Variants in OR52M1 observed in about 807,000 individuals in gnomAD.
The protein encoded by OR52M1 is olfactory receptor 52M1.
OR52M1 carries 2 observed loss-of-function variants against 1.3 expected under a neutral mutation model. The observed-to-expected ratio is 1.59, with a 90% confidence interval of 0.65 to 5.01. The LOEUF is 5.01. Among genes scored for constraint, OR52M1 ranks in the 30% most tolerant of loss-of-function variants. OR52M1 has a pLI of 0.06. For synonymous variants in OR52M1, 234 were observed against 151.4 expected, an observed-to-expected ratio of 1.55 and a Z score of -4.01; for missense variants, 585 against 403.7, an observed-to-expected ratio of 1.45 and a Z score of -3.85.
chr11:4,545,282 TC>T lies in OR52M1; in HGVS notation c.96del (p.Phe33LeufsTer13). ...GAGTCCCTACACGTCTGGCTCTCCATCCCCTTTGGCTCCATGTACCTGGTGG... is the reference window on the plus strand; with the variant it reads ...GAGTCCCTACACGTCTGGCTCTCCATCCCTTTGGCTCCATGTACCTGGTGG... ...GLESLHVWLS[I>X]PFGSMYLVAV... On this transcript the variant is annotated frameshift_variant, in exon 1 of 1. Coordinates refer to ENST00000360213, the MANE Select transcript of OR52M1 (RefSeq NM_001004137.1). LOFTEE classifies it high-confidence loss of function. 3.1e-6 allele frequency: 5 copies of T among 1,614,098 alleles called. No individual in the cohort carries two copies. The highest frequency in any genetic ancestry group is 4.2e-6 in the Non-Finnish European group (5 of 1,179,974).
Position 4,545,901 on chromosome 11 carries a change from G to T in OR52M1, c.711G>T (p.Arg237Ser). The T allele has an allele frequency of 6.2e-7, 1 of 1,614,056 alleles. No individual in the cohort carries two copies. The highest frequency in any genetic ancestry group is 8.5e-7 in the Non-Finnish European group (1 of 1,179,988). ...TGGGGTTAGCCACTCCTGAGGCTAG[G>T]CTTAAAACCCTGGGGACATGCGCTT... Reference protein sequence around the residue: ...AVMGLATPEARLKTLGTCASH... With the variant: ...AVMGLATPEASLKTLGTCASH... Residue 237 changes from arginine (R) to serine (S), a missense_variant, in exon 1 of 1, where the codon AGG becomes AGT. By Grantham distance (110) the Arg-to-Ser change is moderately radical. Transcript: ENST00000360213.
Position 4,545,485 on chromosome 11 carries a change from T to C in OR52M1, c.295T>C (p.Cys99Arg), listed in dbSNP as rs139723523. 1.2e-6 allele frequency: 2 copies of C among 1,614,178 alleles called. No individual in the cohort carries two copies. The highest frequency in any genetic ancestry group is 4.5e-5 in the East Asian group (2 of 44,886). The change falls in exon 1 of 1, where the codon TGC (cysteine) becomes CGC (arginine). Residue 99 changes from cysteine to arginine, a missense_variant. By Grantham distance (180) the Cys-to-Arg change is radical. Transcript: ENST00000360213. ...TGCTTGTGACATTGGCCTGGACGCC[T>C]GCTTGGGCCAAATGTTCCTTATCCA... The part of the protein sequence containing the change: ...FGACDIGLDA[C>R]LGQMFLIHCF...
In OR52M1 at chr11:4,546,109, C is replaced by A. The variant is rs1052754001; in HGVS notation, c.919C>A (p.Leu307Ile). ...CACCAAGCAGATCCGAGAGAGCCTT[C>A]TCCAAATACCAAGGATAGAAATGAA... ...VRTKQIRESL[L>I]QIPRIEMKIR Residue 307 changes from leucine (L) to isoleucine (I), a missense_variant, in exon 1 of 1, where the codon CTC becomes ATC. By Grantham distance (5) the Leu-to-Ile change is conservative. Coordinates refer to ENST00000360213, the MANE Select transcript of OR52M1 (RefSeq NM_001004137.1). 2 of 1,607,022 alleles carry A rather than the reference C, an allele frequency of 1.2e-6. No individual in the cohort carries two copies. Among genetic ancestry groups the A allele is most frequent in the Non-Finnish European group, 1.7e-6 (2 of 1,175,884 alleles).
rs61751908 is a variant in OR52M1, at chr11:4,545,560, C to T, written c.370C>T (p.Arg124Cys). ...CATCTTCCTTGCCATGGCTTTTGAT[C>T]GCTACGTGGCCATCTGCAACCCACT... ...SGIFLAMAFD[R>C]YVAICNPLRH... The change falls in exon 1 of 1, where the codon CGC becomes TGC. Residue 124 changes from arginine to cysteine, a missense_variant. By Grantham distance (180) the Arg-to-Cys change is radical (BLOSUM62 -3). Coordinates refer to ENST00000360213, the MANE Select transcript of OR52M1 (RefSeq NM_001004137.1). The T allele has an allele frequency of 3.8e-5, 61 of 1,611,428 alleles. No individual in the cohort carries two copies. The highest frequency in any genetic ancestry group is 3.6e-4 in the African/African-American group (27 of 74,982).
At position 4,546,087 on chromosome 11, in the gene OR52M1, C is replaced by CA; in HGVS notation, c.899dup (p.Gln301AlafsTer17). The CA allele has an allele frequency of 3.1e-6, 5 of 1,612,976 alleles. No homozygotes were observed. The South Asian group carries it at 4.4e-5, about 14-fold the overall frequency. On this transcript the variant is annotated frameshift_variant, in exon 1 of 1. Coordinates refer to ENST00000360213, the MANE Select transcript of OR52M1 (RefSeq NM_001004137.1). LOFTEE classifies it high-confidence loss of function. The stretch of plus-strand genomic sequence containing the variant: ...ATCCCATTGTCTATGCTGTTCGCAC[C>CA]AAGCAGATCCGAGAGAGCCTTCTCC...
At position 4,545,995 on chromosome 11, in the gene OR52M1, C is replaced by CAGT; in HGVS notation, c.806_808dup (p.Gln269_Cys270insTer). The CAGT allele has an allele frequency of 6.2e-7, 1 of 1,614,070 alleles. No individual in the cohort carries two copies. The highest frequency in any genetic ancestry group is 8.5e-7 in the Non-Finnish European group (1 of 1,180,014). On this transcript the variant is annotated stop_gained and inframe_insertion, in exon 1 of 1. Transcript: ENST00000360213. LOFTEE classifies it high-confidence loss of function. ...TTCTTCCCTGATTCACCGATTTGGT[C>CAGT]AGTGTGTGCCTCCTCCAGTCCACAC...
At position 4,545,790 on chromosome 11, in the gene OR52M1, C is replaced by G; in HGVS notation, c.600C>G (p.Val200=). 6.2e-7 allele frequency: 1 copy of G among 1,614,178 alleles called. No individual in the cohort carries two copies. Among genetic ancestry groups the G allele is most frequent in the Non-Finnish European group, 8.5e-7 (1 of 1,180,028 alleles). ...GTGGCGACAGCAGGGTCAATAATGT[C>G]TATGGGCTGAGCATCGGCTTTCTGG... is the stretch of plus-strand genomic sequence containing the variant. ...LTCGDSRVNN[V]YGLSIGFLVL... is the part of the protein sequence containing the mutation. Residue 200 remains valine, a synonymous_variant, in exon 1 of 1, where the codon GTC becomes GTG. Coordinates refer to ENST00000360213, the MANE Select transcript of OR52M1 (RefSeq NM_001004137.1).
At position 4,545,256 on chromosome 11, in the gene OR52M1, G is replaced by A. The variant is rs1462348812; in HGVS notation, c.66G>A (p.Leu22=). The A allele has an allele frequency of 6.2e-7, 1 of 1,613,658 alleles. No homozygotes were observed. Among genetic ancestry groups the A allele is most frequent in the African/African-American group, 1.3e-5 (1 of 74,940 alleles). The change falls in exon 1 of 1, where the codon CTG becomes CTA. Residue 22 remains leucine, a synonymous_variant. Coordinates refer to ENST00000360213, the MANE Select transcript of OR52M1 (RefSeq NM_001004137.1). ...SSFWLTGIPG[L]ESLHVWLSIP... ...TCTGGCTCACTGGCATCCCAGGGCT[G>A]GAGTCCCTACACGTCTGGCTCTCCA...
chr11:4,545,694 G>A lies in OR52M1; in HGVS notation c.504G>A (p.Arg168=). The A allele has an allele frequency of 6.2e-7, 1 of 1,613,124 alleles. No individual in the cohort carries two copies. Among genetic ancestry groups the A allele is most frequent in the South Asian group, 1.1e-5 (1 of 90,884 alleles). ...IGPLPLMIRL[R]LPLYKTHVIS... Reference sequence around the variant, plus strand: ...CTCTGCCTCTGATGATCCGCCTGCGGCTGCCCCTTTATAAAACCCATGTTA... The same window carrying A: ...CTCTGCCTCTGATGATCCGCCTGCGACTGCCCCTTTATAAAACCCATGTTA... Residue 168 remains arginine, a synonymous_variant, in exon 1 of 1, where the codon CGG becomes CGA. Coordinates refer to ENST00000360213, the MANE Select transcript of OR52M1 (RefSeq NM_001004137.1).
At position 4,545,631 on chromosome 11, in the gene OR52M1, G is replaced by T; in HGVS notation, c.441G>T (p.Gly147=). The part of the protein sequence containing the change: ...VLTYTVVGRL[G]LVSLLRGVLY... ...CTTATACAGTGGTGGGTCGTTTGGG[G>T]CTTGTTTCTCTCCTCCGGGGTGTTC... The change falls in exon 1 of 1, where the codon GGG becomes GGT. Residue 147 remains glycine, a synonymous_variant. Coordinates refer to ENST00000360213, the MANE Select transcript of OR52M1 (RefSeq NM_001004137.1). The T allele has an allele frequency of 6.2e-7, 1 of 1,613,634 alleles. No individual in the cohort carries two copies. Among genetic ancestry groups the T allele is most frequent in the Middle Eastern group, 1.7e-4 (1 of 6,060 alleles).
chr11:4,545,683 A>G lies in OR52M1; in HGVS notation c.493A>G (p.Ile165Val), dbSNP rs760846540. Residue 165 changes from isoleucine (I) to valine (V), a missense_variant, in exon 1 of 1, where the codon ATC (isoleucine) becomes GTC (valine). Physicochemically the swap from Ile to Val is conservative, Grantham distance 29. Coordinates refer to ENST00000360213, the MANE Select transcript of OR52M1 (RefSeq NM_001004137.1). The part of the protein sequence containing the change: ...VLYIGPLPLM[I>V]RLRLPLYKTH... ...CTACATTGGACCTCTGCCTCTGATG[A>G]TCCGCCTGCGGCTGCCCCTTTATAA... is the stretch of plus-strand genomic sequence containing the variant. 7 of 1,612,892 alleles carry G rather than the reference A, an allele frequency of 4.3e-6. No homozygotes were observed. In the Admixed American group the frequency reaches 5.0e-5, roughly 12 times the overall value.
At position 4,545,327 on chromosome 11, in the gene OR52M1, C is replaced by T. The variant is rs752464356; in HGVS notation, c.137C>T (p.Thr46Ile). ...CTGGTGGCTGTGGTGGGGAATGTGA[C>T]CATCCTGGCTGTGGTAAAGATAGAA... Reference protein sequence around the residue: ...MYLVAVVGNVTILAVVKIERS... With the variant: ...MYLVAVVGNVIILAVVKIERS... Residue 46 changes from threonine (T) to isoleucine (I), a missense_variant, in exon 1 of 1, where the codon ACC (threonine) becomes ATC (isoleucine). By Grantham distance (89) the Thr-to-Ile change is moderately conservative. Transcript: ENST00000360213. The T allele has an allele frequency of 1.2e-6, 2 of 1,614,124 alleles. No individual in the cohort carries two copies. The highest frequency in any genetic ancestry group is 1.1e-5 in the South Asian group (1 of 91,084).
In OR52M1 at chr11:4,545,854, G is replaced by C. The variant is rs767387487; in HGVS notation, c.664G>C (p.Val222Leu). 1.2e-5 allele frequency: 19 copies of C among 1,614,034 alleles called. No homozygotes were observed. Among genetic ancestry groups the C allele is most frequent in the Admixed American group, 1.7e-5 (1 of 59,996 alleles). Reference protein sequence around the residue: ...LDSVAIAASYVMIFRAVMGLA... With the variant: ...LDSVAIAASYLMIFRAVMGLA... ...CTCAGTGGCTATTGCTGCATCCTAT[G>C]TGATGATTTTCAGGGCCGTGATGGG... The change falls in exon 1 of 1, where the codon GTG becomes CTG. Residue 222 changes from valine to leucine, a missense_variant. Coordinates refer to ENST00000360213, the MANE Select transcript of OR52M1 (RefSeq NM_001004137.1).
In OR52M1 at chr11:4,545,713, C is replaced by A; in HGVS notation, c.523C>A (p.His175Asn). ...CCTGCGGCTGCCCCTTTATAAAACCCATGTTATCTCCCACTCCTACTGTGA... is the reference window on the plus strand; with the variant it reads ...CCTGCGGCTGCCCCTTTATAAAACCAATGTTATCTCCCACTCCTACTGTGA... ...IRLRLPLYKT[H>N]VISHSYCEHM... The change falls in exon 1 of 1, where the codon CAT becomes AAT. Residue 175 changes from histidine to asparagine, a missense_variant. Transcript: ENST00000360213. 1.2e-6 allele frequency: 2 copies of A among 1,613,706 alleles called. No individual in the cohort carries two copies. The highest frequency in any genetic ancestry group is 1.7e-6 in the Non-Finnish European group (2 of 1,179,810).
Position 4,545,358 on chromosome 11 carries a change from C to A in OR52M1, c.168C>A (p.Ser56Arg). The A allele has an allele frequency of 6.2e-7, 1 of 1,614,096 alleles. No individual in the cohort carries two copies. The highest frequency in any genetic ancestry group is 8.5e-7 in the Non-Finnish European group (1 of 1,179,986). The change falls in exon 1 of 1, where the codon AGC becomes AGA. Residue 56 changes from serine to arginine, a missense_variant. Physicochemically the swap from Ser to Arg is moderately radical, Grantham distance 110. Transcript: ENST00000360213. The part of the protein sequence containing the change: ...TILAVVKIER[S>R]LHQPMYFFLC... Reference sequence around the variant, plus strand: ...TGGCTGTGGTAAAGATAGAACGCAGCCTGCACCAGCCCATGTACTTTTTCT... The same window carrying A: ...TGGCTGTGGTAAAGATAGAACGCAGACTGCACCAGCCCATGTACTTTTTCT...
At position 4,545,432 on chromosome 11, in the gene OR52M1, C is replaced by T. The variant is rs1408030892; in HGVS notation, c.242C>T (p.Pro81Leu). ...CTGGTTCTGTCTACTTCCACTATAC[C>T]CAAACTTCTGGGAATCTTCTGGTTC... ...IDLVLSTSTI[P>L]KLLGIFWFGA... Residue 81 changes from proline (P) to leucine (L), a missense_variant, in exon 1 of 1, where the codon CCC becomes CTC. Physicochemically the swap from Pro to Leu is moderately conservative, Grantham distance 98. Transcript: ENST00000360213. 1.2e-6 allele frequency: 2 copies of T among 1,614,148 alleles called. No homozygotes were observed. The highest frequency in any genetic ancestry group is 1.7e-5 in the Admixed American group (1 of 60,028).
Position 4,545,249 on chromosome 11 carries a change from C to CA in OR52M1, c.60dup (p.Gly21ArgfsTer52), listed in dbSNP as rs752701719. On this transcript the variant is annotated frameshift_variant, in exon 1 of 1. Transcript: ENST00000360213. LOFTEE classifies it high-confidence loss of function. ...AGCTCCTTCTGGCTCACTGGCATCC[C>CA]AGGGCTGGAGTCCCTACACGTCTGG... 35 of 1,613,332 alleles carry CA rather than the reference C, an allele frequency of 2.2e-5. No homozygotes were observed. The South Asian group carries it at 3.7e-4, about 17-fold the overall frequency.
Position 4,545,993 on chromosome 11 carries a change from G to T in OR52M1, c.803G>T (p.Gly268Val), listed in dbSNP as rs142202693. 5.6e-6 allele frequency: 9 copies of T among 1,613,806 alleles called. No homozygotes were observed. In the South Asian group the frequency reaches 9.9e-5, roughly 18 times the overall value. ...IAVSSLIHRF[G>V]QCVPPPVHTL... ...GTTTCTTCCCTGATTCACCGATTTGGTCAGTGTGTGCCTCCTCCAGTCCAC... is the reference window on the plus strand; with the variant it reads ...GTTTCTTCCCTGATTCACCGATTTGTTCAGTGTGTGCCTCCTCCAGTCCAC... The change falls in exon 1 of 1, where the codon GGT becomes GTT. Residue 268 changes from glycine (G) to valine (V), a missense_variant. Physicochemically the swap from Gly to Val is moderately radical, Grantham distance 109. Coordinates refer to ENST00000360213, the MANE Select transcript of OR52M1 (RefSeq NM_001004137.1).
In OR52M1 at chr11:4,545,751, A is replaced by T. The variant is rs780842017; in HGVS notation, c.561A>T (p.Val187=). 2 of 1,614,112 alleles carry T rather than the reference A, an allele frequency of 1.2e-6. No homozygotes were observed. Among genetic ancestry groups the T allele is most frequent in the East Asian group, 4.5e-5 (2 of 44,864 alleles). Residue 187 remains valine, a synonymous_variant, in exon 1 of 1, where the codon GTA becomes GTT. Coordinates refer to ENST00000360213, the MANE Select transcript of OR52M1 (RefSeq NM_001004137.1). ...ISHSYCEHMA[V]VALTCGDSRV... is the part of the protein sequence containing the mutation. ...ACTCCTACTGTGAGCACATGGCTGT[A>T]GTTGCCTTGACATGTGGCGACAGCA...
Sources: gnomAD v4.1 joint callset for allele counts on GRCh38, gnomAD v4.1.1 for gene constraint, MANE v1.5 for transcripts, NCBI Gene and HGNC (gene_info 2026-07-23, HGNC 2026-07-21) for gene names.